The following TGFBR3 variants were observed in gnomAD, a reference collection of about 807,000 sequenced individuals.
The protein encoded by TGFBR3 is transforming growth factor beta receptor 3, also known as transforming growth factor beta receptor type 3.
In TGFBR3, 46 loss-of-function variants were observed where a neutral mutation model predicts 87.9. The observed-to-expected ratio is 0.52, with a 90% CI of 0.41 to 0.67. The LOEUF (loss-of-function observed/expected upper bound fraction) is 0.67. Among genes scored for constraint, TGFBR3 ranks in the 30% least tolerant of loss-of-function variants. The probability of loss-of-function intolerance (pLI) is 0.00; values close to 1 mark genes in which losing one functional copy is unlikely to be tolerated. For missense variants in TGFBR3, 866 were observed against 1,041.9 expected (o/e 0.83, Z 2.32); for synonymous variants, 381 against 391.6 (o/e 0.97, Z 0.32).
At position 91,720,167 on chromosome 1, in the gene TGFBR3, G is replaced by A. The variant is rs752436447; in HGVS notation, c.1139C>T (p.Pro380Leu). 22 of 1,613,384 alleles carry A rather than the reference G, an allele frequency of 1.4e-5. No individual in the cohort carries two copies. The highest frequency in any genetic ancestry group is 3.3e-5 in the Admixed American group (2 of 59,938). ...IPPELRILLD[P>L]GALPALQNPP... ...GTTCTGCAGGGCAGGCAGGGCACCAGGGTCCAGCAGGATCCGTAGCTCAGG... is the reference window on the plus strand; with the variant it reads ...GTTCTGCAGGGCAGGCAGGGCACCAAGGTCCAGCAGGATCCGTAGCTCAGG... Residue 380 changes from proline (P) to leucine (L), a missense_variant, in exon 9 of 17, where the codon CCT (proline) becomes CTT (leucine). Transcript: ENST00000212355.
At chr1:91,751,166 TG>T (rs1450754294) in intron 4 of TGFBR3, among the ~76,000 whole-genome samples, 3 of 151,982 alleles carry the variant, frequency 2.0e-5, no homozygotes, top group Non-Finnish European at 4.4e-5. Flanking sequence ...TTTCTAAACA[TG>T]GGGGTGGGGG....
intron 3 of TGFBR3, among the ~76,000 whole-genome samples, chr1:91,764,317 C>CAAAAAAAAAAAAAA (rs200776741): frequency 1.4e-3 from 109 of 76,904 alleles, no homozygotes; most frequent in Non-Finnish European, 1.7e-3. Context: ...ACAAAAGAGA[C>CAAAAAAAAAAAAAA]AAAAAAAAAA....
intron 2 of TGFBR3, among the ~76,000 whole-genome samples, chr1:91,815,343 G>A (rs990378451): frequency 2.6e-4 from 29 of 110,174 alleles, no homozygotes; most frequent in Non-Finnish European, 5.2e-4. Context: ...AAATAAAATA[G>A]GGATAGTCCT....
At chr1:91,683,999 G>C (rs889771607) in intron 16 of TGFBR3, 142 bp from the exon 17 acceptor site, 29 of 705,044 alleles carry the variant, frequency 4.1e-5, no homozygotes, top group Non-Finnish European at 6.8e-5. Context: ...CTAGGTCCTA[G>C]ATGGCTGGAA....
chr1:91,733,962 C>T (rs578216935), intron 5 of TGFBR3, among the ~76,000 whole-genome samples: 86 of 143,824 alleles, frequency 6.0e-4, no homozygotes, highest in African/African-American at 2.0e-3. Flanking sequence ...TTGAGCCCTG[C>T]AGGTTGAGGC....
At chr1:91,687,772 T>C (rs530781176) in intron 16 of TGFBR3, among the ~76,000 whole-genome samples, 1 of 152,276 alleles carries the variant, frequency 6.6e-6, no homozygotes, top group South Asian at 2.1e-4. Flanking sequence ...ATTATGAGGA[T>C]TGGTTAGTTA....
intron 3 of TGFBR3, among the ~76,000 whole-genome samples, chr1:91,769,346 C>A (rs2100927722): frequency 6.6e-6 from 1 of 152,234 alleles, no homozygotes; most frequent in Admixed American, 6.5e-5. Context: ...AAACGGGTTT[C>A]CTCATAGTCC....
rs896450917 is a variant in TGFBR3, at chr1:91,774,431, C to T, written c.247-15681G>A. Among the ~76,000 whole-genome samples the T allele has an allele frequency of 7.9e-5, 12 of 152,196 alleles. No individual in the cohort carries two copies. The South Asian group carries it at 1.0e-3, about 13-fold the overall frequency. ...GATTATAGGCGTAAGCCACTGCGCC[C>T]GGCCTAGATATACTTTTCAATGAGA... On this transcript the variant is annotated intron_variant, in intron 3 of 16. Coordinates refer to ENST00000212355, the MANE Select transcript of TGFBR3 (RefSeq NM_003243.5).
intron 2 of TGFBR3, among the ~76,000 whole-genome samples, chr1:91,828,695 C>T (rs933118021): frequency 7.9e-5 from 12 of 152,158 alleles, no homozygotes; most frequent in African/African-American, 2.7e-4. Context: ...CCCCAAGGCA[C>T]ACTACTAAAG....
intron 2 of TGFBR3, among the ~76,000 whole-genome samples, chr1:91,847,475 T>A (rs1017467732): frequency 2.0e-5 from 3 of 149,422 alleles, no homozygotes; most frequent in African/African-American, 7.7e-5. Flanking sequence ...TGGTAGTGCA[T>A]GCCTGTAATC....
intron 2 of TGFBR3, among the ~76,000 whole-genome samples, chr1:91,825,958 G>A (rs1676617469): frequency 7.4e-6 from 1 of 134,504 alleles, no homozygotes; most frequent in South Asian, 2.8e-4. Flanking sequence ...TCTAGCCTGG[G>A]TGAGAGTGAG....
At chr1:91,794,441 G>A (rs1675301295) in intron 3 of TGFBR3, among the ~76,000 whole-genome samples, 1 of 152,170 alleles carries the variant, frequency 6.6e-6, no homozygotes, top group South Asian at 2.1e-4. Flanking sequence ...GACCTCAGGT[G>A]ATCCACCTGC....
chr1:91,715,983 T>A (rs957953451), intron 12 of TGFBR3, among the ~76,000 whole-genome samples: 2 of 148,708 alleles, frequency 1.3e-5, no homozygotes, highest in South Asian at 4.2e-4. Flanking sequence ...AATTCACACT[T>A]GCCAATTTTT....
intron 15 of TGFBR3, among the ~76,000 whole-genome samples, chr1:91,696,985 C>G (rs1215801408): frequency 6.6e-6 from 1 of 152,148 alleles, no homozygotes. Context: ...GACCTGTGCT[C>G]TTTGGTGTGT....
chr1:91,818,394 T>C (rs1175984855), intron 2 of TGFBR3, among the ~76,000 whole-genome samples: 1 of 150,712 alleles, frequency 6.6e-6, no homozygotes, highest in Non-Finnish European at 1.5e-5. Context: ...CATGCCTCAT[T>C]GTTTTCTATT....
intron 1 of TGFBR3, among the ~76,000 whole-genome samples, chr1:91,872,181 G>A (rs529094030): frequency 4.6e-5 from 7 of 152,184 alleles, no homozygotes; most frequent in Non-Finnish European, 8.8e-5. Flanking sequence ...ATCTCAATAA[G>A]AGCAGGAGGC....
intron 10 of TGFBR3, among the ~76,000 whole-genome samples, chr1:91,717,306 C>T (rs930044091): frequency 6.6e-5 from 10 of 152,160 alleles, no homozygotes; most frequent in Admixed American, 2.6e-4. Context: ...TCTTCATTGC[C>T]GCTCTTGTAC....
chr1:91,843,520 A>G (rs1342862077), intron 2 of TGFBR3, among the ~76,000 whole-genome samples: 1 of 152,260 alleles, frequency 6.6e-6, no homozygotes, highest in Non-Finnish European at 1.5e-5. Context: ...ACTTTGTTAT[A>G]GCAGTCCAAA....
intron 5 of TGFBR3, among the ~76,000 whole-genome samples, chr1:91,730,677 C>G (rs1404178134): frequency 1.3e-5 from 2 of 152,228 alleles, no homozygotes; most frequent in South Asian, 4.1e-4. Context: ...GGAGAAGCAA[C>G]CACCTAATTA....
Sources: gnomAD v4.1 joint callset for allele counts (sites outside exome capture counted in the v4.1 genomes callset) on GRCh38, gnomAD v4.1.1 for gene constraint, MANE v1.5 for transcripts, NCBI Gene and HGNC (gene_info 2026-07-23, HGNC 2026-07-21) for gene names.